Variants in UMAD1 observed in about 807,000 individuals in gnomAD.
The protein encoded by UMAD1 is UBAP1-MVB12-associated (UMA)-domain containing protein 1.
UMAD1 carries 8 observed loss-of-function variants against 6.1 expected under a neutral mutation model. The ratio of observed to expected loss-of-function variants is 1.30; its 90% confidence interval spans 0.76 to 2.35. The LOEUF is 2.35. Ranked by LOEUF, UMAD1 falls within the 30% of genes most tolerant of loss-of-function variation. The probability of loss-of-function intolerance (pLI) is 0.00; values close to 1 mark genes in which losing one functional copy is unlikely to be tolerated. For synonymous variants in UMAD1, 56 were observed against 31.4 expected (o/e 1.78, Z -2.61); for missense variants, 130 against 78.4 (o/e 1.66, Z -2.49).
At chr7:7,752,215 A>G (rs140444672) in intron 2 of UMAD1, among the ~76,000 whole-genome samples, 164 of 152,350 alleles carry the variant, frequency 1.1e-3, no homozygotes, top group African/African-American at 3.7e-3. Flanking sequence ...AAAATAGATT[A>G]TAACAAAAGC....
chr7:7,793,204 C>G (rs1001355781), intron 2 of UMAD1, among the ~76,000 whole-genome samples: 10 of 152,176 alleles, frequency 6.6e-5, no homozygotes, highest in Admixed American at 1.3e-4. Flanking sequence ...TTTATAACAG[C>G]CTTAGTATGT....
chr7:7,820,066 C>T (rs1447247525), intron 3 of UMAD1, among the ~76,000 whole-genome samples: 1 of 152,184 alleles, frequency 6.6e-6, no homozygotes, highest in Non-Finnish European at 1.5e-5. Flanking sequence ...AGTTGTCACT[C>T]AGGCAAATTT....
intron 2 of UMAD1, among the ~76,000 whole-genome samples, chr7:7,734,218 C>T (rs940620031): frequency 6.6e-6 from 1 of 152,070 alleles, no homozygotes; most frequent in African/African-American, 2.4e-5. Flanking sequence ...CATGACATCT[C>T]AGAGCTTTGA....
intron 2 of UMAD1, among the ~76,000 whole-genome samples, chr7:7,716,981 C>T (rs1015922378): frequency 6.6e-6 from 1 of 152,078 alleles, no homozygotes; most frequent in Non-Finnish European, 1.5e-5. Context: ...GCCCTGAACC[C>T]GGAAACCCGT....
At chr7:7,823,831 A>G (rs146582315) in intron 3 of UMAD1, among the ~76,000 whole-genome samples, 87 of 152,198 alleles carry the variant, frequency 5.7e-4, no homozygotes, top group African/African-American at 2.0e-3. Context: ...AAGTGATAAT[A>G]TTGATTCGTA....
intron 3 of UMAD1, among the ~76,000 whole-genome samples, chr7:7,817,214 C>A (rs1783147843): frequency 6.6e-6 from 1 of 152,216 alleles, no homozygotes; most frequent in Admixed American, 6.5e-5. Context: ...TATCTTTCAT[C>A]TTCAATGCCA....
intron 3 of UMAD1, among the ~76,000 whole-genome samples, chr7:7,863,359 T>C (rs1784149595): frequency 6.6e-6 from 1 of 152,244 alleles, no homozygotes; most frequent in Non-Finnish European, 1.5e-5. Flanking sequence ...TAGAGCACCA[T>C]ACAAATGTTA....
intron 2 of UMAD1, among the ~76,000 whole-genome samples, chr7:7,739,297 T>G (rs1230899904): frequency 2.0e-5 from 3 of 152,230 alleles, no homozygotes; most frequent in Admixed American, 6.5e-5. Context: ...CTCACTGTCA[T>G]TACCTTGCCT....
rs914322351 is a variant in UMAD1, at chr7:7,797,161, C to G, written c.83-4509C>G. Among the ~76,000 whole-genome samples, 4 of 152,144 alleles carry G rather than the reference C, an allele frequency of 2.6e-5. No homozygotes were observed. The East Asian group carries it at 5.8e-4, about 22-fold the overall frequency. Reference sequence around the variant, plus strand: ...AGAAGGTGAAGGGAAACCAGCATGTCACATGGCAAGAGTGGAAGCAAGAGA... The same window carrying G: ...AGAAGGTGAAGGGAAACCAGCATGTGACATGGCAAGAGTGGAAGCAAGAGA... On this transcript the variant is annotated intron_variant, in intron 2 of 3. Transcript: ENST00000682710.
chr7:7,864,676 T>C (rs375335621), intron 3 of UMAD1, among the ~76,000 whole-genome samples: 1 of 151,640 alleles, frequency 6.6e-6, no homozygotes, highest in Admixed American at 6.6e-5. Flanking sequence ...AATTGAGTTT[T>C]TTTTCTTATC....
At chr7:7,742,215 C>T (rs1583790474) in intron 2 of UMAD1, 1 of 683,332 alleles carries the variant, frequency 1.5e-6, no homozygotes, top group Non-Finnish European at 2.7e-6. Context: ...AGCTTCTTCA[C>T]AGCCTGTTTG....
chr7:7,763,388 AGTGGT>A (rs1382017285), intron 2 of UMAD1, among the ~76,000 whole-genome samples: 1 of 152,102 alleles, frequency 6.6e-6, no homozygotes, highest in Non-Finnish European at 1.5e-5. Context: ...GTACTCAATA[AGTGGT>A]TCTTCAGCCC....
intron 3 of UMAD1, among the ~76,000 whole-genome samples, chr7:7,816,240 A>G (rs1783123742): frequency 6.6e-6 from 1 of 152,218 alleles, no homozygotes; most frequent in African/African-American, 2.4e-5. Flanking sequence ...GCGCCTGACT[A>G]ACCACAAAAC....
At chr7:7,828,628 C>G (rs1256690744) in intron 3 of UMAD1, among the ~76,000 whole-genome samples, 2 of 152,188 alleles carry the variant, frequency 1.3e-5, no homozygotes, top group Non-Finnish European at 2.9e-5. Flanking sequence ...CCTGTAAAGG[C>G]TTTGATCCAG....
intron 1 of UMAD1, among the ~76,000 whole-genome samples, chr7:7,672,206 T>G (rs1356107769): frequency 5.3e-5 from 8 of 152,212 alleles, no homozygotes; most frequent in African/African-American, 1.9e-4. Flanking sequence ...TGCTTTCTCT[T>G]TTATTTTTTT....
intron 3 of UMAD1, among the ~76,000 whole-genome samples, chr7:7,850,434 C>G (rs534090772): frequency 2.6e-5 from 4 of 152,194 alleles, no homozygotes; most frequent in African/African-American, 7.2e-5. Context: ...TCTCCTTGAA[C>G]TCAGATTTCC....
intron 2 of UMAD1, among the ~76,000 whole-genome samples, chr7:7,727,572 A>C (rs980187540): frequency 7.2e-5 from 11 of 152,198 alleles, no homozygotes; most frequent in African/African-American, 2.4e-4. Flanking sequence ...GTCTGTGAGC[A>C]TGTTTCCAAA....
chr7:7,823,511 C>T (rs747275329), intron 3 of UMAD1, among the ~76,000 whole-genome samples: 9 of 152,178 alleles, frequency 5.9e-5, no homozygotes, highest in Admixed American at 1.3e-4. Context: ...TCCTGCACTC[C>T]GTTTGCCCAA....
chr7:7,790,748 G>A (rs1012029484), intron 2 of UMAD1, among the ~76,000 whole-genome samples: 1 of 152,298 alleles, frequency 6.6e-6, no homozygotes, highest in Admixed American at 6.5e-5. Flanking sequence ...TGACATGTGT[G>A]ACATCTTTAA....
Sources: gnomAD v4.1 joint callset for allele counts (sites outside exome capture counted in the v4.1 genomes callset) on GRCh38, gnomAD v4.1.1 for gene constraint, MANE v1.5 for transcripts, NCBI Gene and HGNC (gene_info 2026-07-23, HGNC 2026-07-21) for gene names.